BFSP1: variants seen among roughly 807,000 people sequenced by gnomAD.
BFSP1 encodes the protein filensin.
BFSP1 carries 38 observed loss-of-function variants against 43.9 expected under a neutral mutation model. The ratio of observed to expected loss-of-function variants is 0.87; its 90% CI spans 0.67 to 1.14. The LOEUF (loss-of-function observed/expected upper bound fraction) is 1.14, where lower values mean the gene tolerates loss of function less well. Ranked by LOEUF, BFSP1 falls within the 50% of genes most tolerant of loss-of-function variation. The pLI, the probability that BFSP1 is intolerant of heterozygous loss-of-function variation, is 0.00. For missense variants in BFSP1, 850 were observed against 875.1 expected (o/e 0.97, Z 0.36); for synonymous variants, 352 against 354.8 (o/e 0.99, Z 0.09).
At chr20:17,540,242 C>T (rs1464768285) in intron 1 of BFSP1, among the ~76,000 whole-genome samples, 1 of 152,126 alleles carries the variant, frequency 6.6e-6, no homozygotes, top group Non-Finnish European at 1.5e-5. Flanking sequence ...CCCTCTACCA[C>T]CTGCCTGCTC....
upstream of BFSP1, among the ~76,000 whole-genome samples, chr20:17,559,317 CAAAATTTAAG>C (rs1195859251): frequency 6.6e-6 from 1 of 152,172 alleles, no homozygotes; most frequent in East Asian, 1.9e-4. Context: ...GTTTATAAAT[CAAAATTTAAG>C]AGACTGCGTT....
chr20:17,554,648 C>G (rs57293739), intron 1 of BFSP1, among the ~76,000 whole-genome samples: 15,669 of 152,152 alleles, frequency 0.1, 1,043 homozygotes, highest in East Asian at 0.33. Context: ...AAGAGCAGAA[C>G]AGATGATGGA....
chr20:17,553,810 C>CATAT lies in BFSP1; in HGVS notation c.2+4877_2+4878insATAT, dbSNP rs1568717863. On this transcript the variant is annotated intron_variant, in intron 1 of 7. Coordinates refer to the BFSP1 transcript ENST00000377868. Reference sequence around the variant, plus strand: ...ATATATATATACACACACACACACACACACACACACACACATATATATATA... The same window carrying CATAT: ...ATATATATATACACACACACACACACATATACACACACACACACATATATATATA... 7.4e-4 allele frequency among the ~76,000 whole-genome samples: 83 copies of CATAT among 111,844 alleles called. 2 individuals are homozygous for CATAT. The highest frequency in any genetic ancestry group is 8.0e-4 in the South Asian group (3 of 3,736). 73.4% of individuals were successfully genotyped at this position (111,844 alleles called of 152,430 possible). A position where few individuals can be genotyped will look rare whatever the true frequency, so the allele number is the denominator to read the frequency against.
Position 17,531,375 on chromosome 20 carries a change from A to C in BFSP1, c.-46T>G. The stretch of plus-strand genomic sequence containing the variant: ...GCGGGCGGCGCCGAGCCGGCTCTCC[A>C]GGAGGCCCCCGGCGCAGCCCGCAGC... On this transcript the variant is annotated 5_prime_UTR_variant, in exon 1 of 8. Transcript: ENST00000377873. 4.6e-6 allele frequency: 6 copies of C among 1,303,358 alleles called. No homozygotes were observed. The highest frequency in any genetic ancestry group is 5.8e-6 in the Non-Finnish European group (6 of 1,029,918). 80.7% of individuals were successfully genotyped at this position (1,303,358 alleles called of 1,614,324 possible).
intron 1 of BFSP1, among the ~76,000 whole-genome samples, chr20:17,543,809 C>T (rs1264792146): frequency 6.6e-6 from 1 of 152,208 alleles, no homozygotes; most frequent in African/African-American, 2.4e-5. Context: ...GTTAAATAGT[C>T]TGGATTTAAA....
At chr20:17,566,268 C>T (rs1476597567) in intron 1 of BFSP1, among the ~76,000 whole-genome samples, 2 of 152,140 alleles carry the variant, frequency 1.3e-5, no homozygotes, top group Non-Finnish European at 2.9e-5. Context: ...CTTTCCCCAG[C>T]CTATCTATTA....
intron 1 of BFSP1, among the ~76,000 whole-genome samples, chr20:17,547,212 T>C (rs1190712692): frequency 6.6e-6 from 1 of 151,492 alleles, no homozygotes; most frequent in Non-Finnish European, 1.5e-5. Flanking sequence ...GTAAAATAAA[T>C]AAATAAATAT....
At position 17,552,181 on chromosome 20, in the gene BFSP1, G is replaced by A. The variant is rs1477378396; in HGVS notation, c.2+6507C>T. 2.0e-5 allele frequency among the ~76,000 whole-genome samples: 3 copies of A among 152,258 alleles called. No individual in the cohort carries two copies. The East Asian group carries it at 5.8e-4, about 29-fold the overall frequency. ...TGGGGCATCTGGTAATTTTAGACAG[G>A]GTGGTCAGAGAAGACCTCACTGAGG... On this transcript the variant is annotated intron_variant, in intron 1 of 7. Coordinates refer to the BFSP1 transcript ENST00000377868.
chr20:17,537,327 A>G lies in BFSP1; in HGVS notation c.3-12419T>C, dbSNP rs181272347. Among the ~76,000 whole-genome samples, 1,182 of 152,272 alleles carry G rather than the reference A, an allele frequency of 7.8e-3. 7 individuals are homozygous for G. The highest frequency in any genetic ancestry group is 0.017 in the South Asian group (80 of 4,820). On this transcript the variant is annotated intron_variant, in intron 1 of 7. Transcript: ENST00000377868. ...TAGCCAGGCCTCTCCATGAGGCCCC[A>G]GTCTCTAAAGACGCACCCGTGAAGT...
chr20:17,508,985 C>T lies in BFSP1; in HGVS notation c.639G>A (p.Leu213=), dbSNP rs753737253. The change falls in exon 5 of 8, where the codon CTG becomes CTA. Residue 213 remains leucine, a synonymous_variant. Transcript: ENST00000377873. ...GCAGGGCGGCCACCTCCCGCTCCGT[C>T]AGGAGCTTCTCCTGCACAGAGAAGG... ...VTSGMREEKL[L]TEREVAALRS... 17 of 1,585,760 alleles carry T rather than the reference C, an allele frequency of 1.1e-5. No individual in the cohort carries two copies. The highest frequency in any genetic ancestry group is 1.7e-4 in the Middle Eastern group (1 of 6,038).
At chr20:17,514,021 C>T (rs1356624262) in intron 3 of BFSP1, among the ~76,000 whole-genome samples, 2 of 152,220 alleles carry the variant, frequency 1.3e-5, no homozygotes, top group Non-Finnish European at 2.9e-5. Context: ...GCGGAGCAGC[C>T]TCCAGCTGCT....
chr20:17,568,967 C>A (rs1319294929), intron 1 of BFSP1, among the ~76,000 whole-genome samples: 2 of 152,188 alleles, frequency 1.3e-5, no homozygotes, highest in Non-Finnish European at 2.9e-5. Flanking sequence ...TGGGATTCAT[C>A]TGGGCCCTCT....
At chr20:17,531,395 C>T, upstream of BFSP1, 1 of 1,279,300 alleles carries the variant, frequency 7.8e-7, no homozygotes, top group Non-Finnish European at 9.9e-7. Flanking sequence ...CGGCGCAGCC[C>T]GCAGCCCGCT....
At chr20:17,497,857 G>A (rs1222213680) in intron 6 of BFSP1, among the ~76,000 whole-genome samples, 1 of 151,886 alleles carries the variant, frequency 6.6e-6, no homozygotes, top group African/African-American at 2.4e-5. Context: ...AAATAAAAGA[G>A]GTATCCAGTC....
intron 1 of BFSP1, among the ~76,000 whole-genome samples, chr20:17,538,594 C>T (rs762761130): frequency 6.6e-6 from 1 of 152,086 alleles, no homozygotes; most frequent in Non-Finnish European, 1.5e-5. Flanking sequence ...TTACACCTAC[C>T]GAAATGATGG....
chr20:17,499,885 C>T (rs1464591927), intron 5 of BFSP1, among the ~76,000 whole-genome samples: 1 of 152,120 alleles, frequency 6.6e-6, no homozygotes, highest in Non-Finnish European at 1.5e-5. Context: ...CACACCATTG[C>T]ACTCCAGCCT....
chr20:17,551,044 T>C (rs1410578280), intron 1 of BFSP1, among the ~76,000 whole-genome samples: 3 of 152,208 alleles, frequency 2.0e-5, no homozygotes, highest in African/African-American at 7.2e-5. Flanking sequence ...GCGAGTGTGG[T>C]GGAGCCTTCA....
At chr20:17,567,713 T>C (rs1264446708) in intron 1 of BFSP1, among the ~76,000 whole-genome samples, 2 of 151,910 alleles carry the variant, frequency 1.3e-5, no homozygotes, top group Non-Finnish European at 2.9e-5. Flanking sequence ...AATACAAAAT[T>C]AGCCGGGTGT....
intron 1 of BFSP1, among the ~76,000 whole-genome samples, chr20:17,544,236 C>T (rs2123565683): frequency 6.6e-6 from 1 of 152,310 alleles, no homozygotes; most frequent in East Asian, 1.9e-4. Flanking sequence ...GAATGCATCA[C>T]AGAGATATCC....
Sources: allele counts gnomAD v4.1 joint callset (sites outside exome capture counted in the v4.1 genomes callset), GRCh38; gene constraint gnomAD v4.1.1; transcripts MANE v1.5; gene names NCBI Gene and HGNC (gene_info 2026-07-23, HGNC 2026-07-21).